OPALIN: variants seen among roughly 807,000 people sequenced by gnomAD.
OPALIN encodes the protein oligodendrocytic myelin paranodal and inner loop protein, also known as transmembrane protein 10.
Under a neutral mutation model 17.8 loss-of-function variants are expected in OPALIN, and 15 were observed. The ratio of observed to expected loss-of-function variants is 0.84; its 90% CI spans 0.56 to 1.29. The LOEUF is 1.29. OPALIN is among the 50% of genes most tolerant of loss of function. The probability of loss-of-function intolerance (pLI) is 0.00; values close to 1 mark genes in which losing one functional copy is unlikely to be tolerated. For synonymous variants in OPALIN, 62 were observed against 63.8 expected (o/e 0.97, Z 0.14); for missense variants, 170 against 176.0 (o/e 0.97, Z 0.19).
chr10:96,347,914 G>A (rs1020198177), intron 5 of OPALIN, among the ~76,000 whole-genome samples: 2 of 152,190 alleles, frequency 1.3e-5, no homozygotes, highest in African/African-American at 4.8e-5. Flanking sequence ...TAGGTATGAT[G>A]TTAGCTGTAA....
At chr10:96,353,299 G>C (rs527921877) in intron 2 of OPALIN, 1 of 1,344,616 alleles carries the variant, frequency 7.4e-7, no homozygotes, top group South Asian at 1.3e-5. Flanking sequence ...GGCCAGCAGG[G>C]AGCCCTGTTC....
rs1845288311 is a variant in OPALIN at position 96,345,811 on chromosome 10, G to A, written c.*130C>T. Reference sequence around the variant, plus strand: ...CCTAAAGAGACAAATCAGCCCCAAAGTGTTCCAGAGCTGTAAATGAAATTT... The same window carrying A: ...CCTAAAGAGACAAATCAGCCCCAAAATGTTCCAGAGCTGTAAATGAAATTT... On this transcript the variant is annotated 3_prime_UTR_variant, in exon 6 of 6. Coordinates refer to ENST00000371172, the MANE Select transcript of OPALIN (RefSeq NM_033207.5). 2.4e-6 allele frequency: 2 copies of A among 829,520 alleles called. No homozygotes were observed. The highest frequency in any genetic ancestry group is 1.7e-5 in the African/African-American group (1 of 58,474). 51.4% of individuals were successfully genotyped at this position (829,520 alleles called of 1,614,324 possible).
intron 3 of OPALIN, among the ~76,000 whole-genome samples, chr10:96,350,472 C>G (rs1845533794): frequency 6.6e-6 from 1 of 152,156 alleles, no homozygotes; most frequent in Non-Finnish European, 1.5e-5. Flanking sequence ...CCTTGGCCTC[C>G]CAAAGTGCTG....
In OPALIN at chr10:96,345,615, A is replaced by T. The variant is rs1272976806; in HGVS notation, c.*326T>A. On this transcript the variant is annotated 3_prime_UTR_variant, in exon 6 of 6. Coordinates refer to ENST00000371172, the MANE Select transcript of OPALIN (RefSeq NM_033207.5). Reference sequence around the variant, plus strand: ...TTTTGAGAAAAAGGATATGAAAAAAAAAGATGAGAAGGCAAGACACTCAGA... The same window carrying T: ...TTTTGAGAAAAAGGATATGAAAAAATAAGATGAGAAGGCAAGACACTCAGA... 1 of 240,428 alleles carries T rather than the reference A, an allele frequency of 4.2e-6. No homozygotes were observed. The highest frequency in any genetic ancestry group is 7.9e-6 in the Non-Finnish European group (1 of 126,108). 14.9% of individuals were successfully genotyped at this position (240,428 alleles called of 1,614,324 possible). A position where few individuals can be genotyped will look rare whatever the true frequency, so the allele number is the denominator to read the frequency against.
At chr10:96,349,408 A>C (rs989926390) in intron 4 of OPALIN, among the ~76,000 whole-genome samples, 4 of 152,190 alleles carry the variant, frequency 2.6e-5, no homozygotes, top group Non-Finnish European at 5.9e-5. Flanking sequence ...AAGCACACCC[A>C]CTGTACAGAC....
intron 2 of OPALIN, among the ~76,000 whole-genome samples, 159 bp downstream of exon 2, chr10:96,355,096 C>CAAAAAA (rs56995726): frequency 1.8e-4 from 8 of 45,208 alleles, no homozygotes; most frequent in African/African-American, 7.4e-4. Context: ...GACCTTGTCT[C>CAAAAAA]AAAAAAAAAA....
intron 1 of OPALIN, 61 bp downstream of exon 1, chr10:96,358,832 TG>T: frequency 1.9e-6 from 3 of 1,548,036 alleles, no homozygotes; most frequent in South Asian, 2.2e-5. Context: ...TAATTGAATT[TG>T]GAGGTTTTTT....
intron 1 of OPALIN, among the ~76,000 whole-genome samples, chr10:96,355,868 T>C (rs2134033411): frequency 6.6e-6 from 1 of 152,240 alleles, no homozygotes; most frequent in African/African-American, 2.4e-5. Flanking sequence ...TTCTCTTTCC[T>C]CCCCTCACTT....
chr10:96,355,992 T>C (rs1450810186), intron 1 of OPALIN, among the ~76,000 whole-genome samples: 1 of 152,232 alleles, frequency 6.6e-6, no homozygotes, highest in Non-Finnish European at 1.5e-5. Flanking sequence ...CTCCTCCCTG[T>C]CCCTAGCCCC....
Position 96,345,608 on chromosome 10 carries a change from G to GAA in OPALIN, c.*331_*332dup. On this transcript the variant is annotated 3_prime_UTR_variant, in exon 6 of 6. Transcript: ENST00000371172. The stretch of plus-strand genomic sequence containing the variant: ...ATGGCTTTTTTGAGAAAAAGGATAT[G>GAA]AAAAAAAAAGATGAGAAGGCAAGAC... 4.6e-6 allele frequency: 1 copy of GAA among 219,300 alleles called. No individual in the cohort carries two copies. The highest frequency in any genetic ancestry group is 8.9e-6 in the Non-Finnish European group (1 of 112,872). 13.6% of individuals were successfully genotyped at this position (219,300 alleles called of 1,614,324 possible). A position where few individuals can be genotyped will look rare whatever the true frequency, so the allele number is the denominator to read the frequency against.
At chr10:96,358,208 A>G (rs1845889923) in intron 1 of OPALIN, among the ~76,000 whole-genome samples, 1 of 147,522 alleles carries the variant, frequency 6.8e-6, no homozygotes, top group Non-Finnish European at 1.5e-5. Context: ...AAAAAAAAAA[A>G]AAAAAAAATT....
Position 96,345,757 on chromosome 10 carries a change from A to G in OPALIN, c.*184T>C. 1 of 568,480 alleles carries G rather than the reference A, an allele frequency of 1.8e-6. No individual in the cohort carries two copies. The allele number at this position is 568,480 out of a possible 1,614,324, so 35.2% of individuals were successfully genotyped here. On this transcript the variant is annotated 3_prime_UTR_variant, in exon 6 of 6. Coordinates refer to ENST00000371172, the MANE Select transcript of OPALIN (RefSeq NM_033207.5). ...TACTAACTAAAGCACAAGATCTGAGAGTTGGAATTAACCATGTTGGGGATG... is the reference window on the plus strand; with the variant it reads ...TACTAACTAAAGCACAAGATCTGAGGGTTGGAATTAACCATGTTGGGGATG...
intron 1 of OPALIN, chr10:96,357,059 C>T (rs1372344061): frequency 1.0e-6 from 1 of 985,380 alleles, no homozygotes; most frequent in African/African-American, 1.7e-5. Flanking sequence ...ACGTCTGGGC[C>T]TCTTAGGTCA....
In OPALIN at chr10:96,344,471, T is replaced by C. The variant is rs1329146450; in HGVS notation, c.*1470A>G. ...AGTACAGAAGAAAAAAAAAAAAGGCTGGGGATGGATTGGAAAATGGGAAGA... is the reference window on the plus strand; with the variant it reads ...AGTACAGAAGAAAAAAAAAAAAGGCCGGGGATGGATTGGAAAATGGGAAGA... On this transcript the variant is annotated 3_prime_UTR_variant, in exon 6 of 6. Coordinates refer to ENST00000371172, the MANE Select transcript of OPALIN (RefSeq NM_033207.5). The C allele has an allele frequency of 2.0e-5, 3 of 147,966 alleles. No individual in the cohort carries two copies. Among genetic ancestry groups the C allele is most frequent in the Admixed American group, 6.7e-5 (1 of 14,868 alleles). 9.2% of individuals were successfully genotyped at this position (147,966 alleles called of 1,614,324 possible). A position where few individuals can be genotyped will look rare whatever the true frequency, so the allele number is the denominator to read the frequency against.
intron 2 of OPALIN, chr10:96,353,561 CTCAGAGAAATGAGCTGTTAACCAAGAGAG>C (rs1478759864): frequency 1.8e-5 from 15 of 824,014 alleles, no homozygotes; most frequent in Non-Finnish European, 2.8e-5. Context: ...AGAGACAGTT[CTCAGAGAAATGAGCTGTTAACCAAGAGAG>C]TACTCCAAAG....
chr10:96,354,733 A>G (rs1049622987), intron 2 of OPALIN, among the ~76,000 whole-genome samples: 1 of 150,616 alleles, frequency 6.6e-6, no homozygotes, highest in Admixed American at 6.6e-5. Context: ...CAAAATGTGT[A>G]TTTATAAGTT....
chr10:96,353,485 G>T, intron 2 of OPALIN: 1 of 1,534,960 alleles, frequency 6.5e-7, no homozygotes, highest in Non-Finnish European at 9.0e-7. Flanking sequence ...GACTTTCAGT[G>T]CTAAAAACAG....
chr10:96,356,853 C>T, intron 1 of OPALIN: 1 of 983,356 alleles, frequency 1.0e-6, no homozygotes, highest in Non-Finnish European at 1.2e-6. Flanking sequence ...ATAACCAAGC[C>T]TCAAGAATTT....
In OPALIN at chr10:96,344,299, T is replaced by TA. The variant is rs1404658316; in HGVS notation, c.*1641dup. The TA allele has an allele frequency of 6.6e-6, 1 of 152,108 alleles. No individual in the cohort carries two copies. Among genetic ancestry groups the TA allele is most frequent in the Non-Finnish European group, 1.5e-5 (1 of 68,042 alleles). The allele number at this position is 152,108 out of a possible 1,614,324, so 9.4% of individuals were successfully genotyped here. A position where few individuals can be genotyped will look rare whatever the true frequency, so the allele number is the denominator to read the frequency against. On this transcript the variant is annotated 3_prime_UTR_variant, in exon 6 of 6. Coordinates refer to ENST00000371172, the MANE Select transcript of OPALIN (RefSeq NM_033207.5). ...CAGTCCGTCGCAGAACTGCCCTCCT[T>TA]AAATACTCTCTGATTACAGACACAA...
Sources: gnomAD v4.1 joint callset for allele counts (sites outside exome capture counted in the v4.1 genomes callset) on GRCh38, gnomAD v4.1.1 for gene constraint, MANE v1.5 for transcripts, NCBI Gene and HGNC (gene_info 2026-07-23, HGNC 2026-07-21) for gene names.